ADAM32: variants seen among roughly 807,000 people sequenced by gnomAD.
ADAM32 encodes disintegrin and metalloproteinase domain-containing protein 32.
A neutral mutation model predicts 114.9 loss-of-function variants in ADAM32; 89 were observed. The observed-to-expected ratio is 0.77, with a 90% CI of 0.65 to 0.92. The LOEUF (loss-of-function observed/expected upper bound fraction) is 0.92, where lower values mean the gene tolerates loss of function less well. ADAM32 is among the 40% of genes least tolerant of loss of function. The pLI, the probability that ADAM32 is intolerant of heterozygous loss-of-function variation, is 0.00. For synonymous variants in ADAM32, 285 were observed against 307.5 expected, an observed-to-expected ratio of 0.93 and a Z score of 0.77; for missense variants, 870 against 932.8, an observed-to-expected ratio of 0.93 and a Z score of 0.88.
chr8:39,152,217 A>T (rs1803876858), intron 6 of ADAM32, among the ~76,000 whole-genome samples: 1 of 152,216 alleles, frequency 6.6e-6, no homozygotes, highest in South Asian at 2.1e-4. Context: ...ATATAATTAA[A>T]ATGTCATAAA....
At chr8:39,245,138 AATAATGAC>A (rs1810822331) in intron 16 of ADAM32, among the ~76,000 whole-genome samples, 1 of 152,198 alleles carries the variant, frequency 6.6e-6, no homozygotes, top group Admixed American at 6.5e-5. Flanking sequence ...AAAGGAACAA[AATAATGAC>A]ATTTTACAGC....
At chr8:39,153,012 G>T (rs536715595) in intron 6 of ADAM32, among the ~76,000 whole-genome samples, 6 of 152,306 alleles carry the variant, frequency 3.9e-5, no homozygotes, top group African/African-American at 1.4e-4. Context: ...CATACAGGTA[G>T]CAGAGAAACA....
chr8:39,241,190 G>A (rs1810527137), intron 16 of ADAM32, among the ~76,000 whole-genome samples: 1 of 152,114 alleles, frequency 6.6e-6, no homozygotes, highest in Non-Finnish European at 1.5e-5. Context: ...GATGCAAGAG[G>A]TGGGCTCCCA....
intron 6 of ADAM32, among the ~76,000 whole-genome samples, chr8:39,157,361 A>G (rs1454487484): frequency 6.6e-6 from 1 of 151,980 alleles, no homozygotes; most frequent in East Asian, 1.9e-4. Flanking sequence ...TTCACCCATT[A>G]TTTTTCAAAT....
rs1184570326 is a variant in ADAM32 at position 39,136,760 on chromosome 8, A to G, written c.200+42A>G. Reference sequence around the variant, plus strand: ...TAGTTTTGGATTTTATTTTATTTCTATGAAGCTGTTTACTTGCAATAGAAA... The same window carrying G: ...TAGTTTTGGATTTTATTTTATTTCTGTGAAGCTGTTTACTTGCAATAGAAA... On this transcript the variant is annotated intron_variant, in intron 3 of 24. Transcript: ENST00000379907. The G allele has an allele frequency of 7.6e-6, 10 of 1,308,058 alleles. No homozygotes were observed. In the South Asian group the frequency reaches 1.0e-4, roughly 14 times the overall value. 81.0% of individuals were successfully genotyped at this position (1,308,058 alleles called of 1,614,324 possible).
In ADAM32 at chr8:39,254,587, T is replaced by A. The variant is rs1158181674; in HGVS notation, c.2005+71T>A. 14 of 1,247,134 alleles carry A rather than the reference T, an allele frequency of 1.1e-5. No individual in the cohort carries two copies. In the East Asian group the frequency reaches 3.9e-4, roughly 35 times the overall value. The allele number at this position is 1,247,134 out of a possible 1,614,324, so 77.3% of individuals were successfully genotyped here. A position where few individuals can be genotyped will look rare whatever the true frequency, so the allele number is the denominator to read the frequency against. ...TTGCTTATCTTCACTAAAACAAAGTTCGATTTTTCCACTTACAAGGCAACT... is the reference window on the plus strand; with the variant it reads ...TTGCTTATCTTCACTAAAACAAAGTACGATTTTTCCACTTACAAGGCAACT... On this transcript the variant is annotated intron_variant, in intron 18 of 24. Transcript: ENST00000379907.
intron 7 of ADAM32, 87 bp downstream of exon 7, chr8:39,161,052 C>A (rs766291932): frequency 2.1e-5 from 25 of 1,212,100 alleles, no homozygotes; most frequent in Non-Finnish European, 2.8e-5. Context: ...CTAAAAGATT[C>A]CAATGTTCTT....
rs200326054 is a variant in ADAM32 at position 39,223,189 on chromosome 8, C to T, written c.1476C>T (p.Asp492=). The T allele has an allele frequency of 1.5e-5, 24 of 1,597,158 alleles. No homozygotes were observed. Among genetic ancestry groups the T allele is most frequent in the East Asian group, 1.4e-4 (6 of 43,942 alleles). ...SCKNNKFICY[D]GDCHDLDARC... ...AAAATAATAAGTTTATTTGTTATGACGGAGACTGCCATGATCTCGATGCAC... is the reference window on the plus strand; with the variant it reads ...AAAATAATAAGTTTATTTGTTATGATGGAGACTGCCATGATCTCGATGCAC... The change falls in exon 14 of 25, where the codon GAC becomes GAT. Residue 492 remains aspartate (D), a synonymous_variant. Coordinates refer to ENST00000379907, the MANE Select transcript of ADAM32 (RefSeq NM_145004.7).
intron 7 of ADAM32, among the ~76,000 whole-genome samples, chr8:39,163,363 T>C (rs1243210216): frequency 3.3e-5 from 5 of 152,330 alleles, no homozygotes; most frequent in East Asian, 3.9e-4. Context: ...GAAGATGTCA[T>C]TGAAATATTT....
intron 20 of ADAM32, among the ~76,000 whole-genome samples, chr8:39,272,188 TTGA>T (rs1024786651): frequency 1.1e-4 from 17 of 151,502 alleles, no homozygotes; most frequent in African/African-American, 4.1e-4. Flanking sequence ...ATGCAATTTA[TTGA>T]TGATTAAAAG....
intron 11 of ADAM32, among the ~76,000 whole-genome samples, chr8:39,202,475 C>T (rs1303650827): frequency 6.6e-6 from 1 of 152,054 alleles, no homozygotes; most frequent in Non-Finnish European, 1.5e-5. Context: ...GTGGTGATAT[C>T]CCCTTTATCA....
intron 10 of ADAM32, among the ~76,000 whole-genome samples, chr8:39,176,112 T>C (rs960356079): frequency 1.3e-5 from 2 of 152,136 alleles, no homozygotes; most frequent in Non-Finnish European, 2.9e-5. Context: ...TTATCTATTA[T>C]ATTAATTTTT....
chr8:39,160,528 A>G (rs1804434652), intron 6 of ADAM32, among the ~76,000 whole-genome samples: 1 of 115,582 alleles, frequency 8.7e-6, no homozygotes, highest in Non-Finnish European at 1.7e-5. Context: ...CGACAGAGCG[A>G]GACTCCATCT....
chr8:39,141,486 G>T lies in ADAM32; in HGVS notation c.200+4768G>T, dbSNP rs576050993. Among the ~76,000 whole-genome samples, 49 of 152,294 alleles carry T rather than the reference G, an allele frequency of 3.2e-4. 1 individual carries two copies. The highest frequency in any genetic ancestry group is 1.2e-3 in the Admixed American group (19 of 15,284). On this transcript the variant is annotated intron_variant, in intron 3 of 24. Coordinates refer to ENST00000379907, the MANE Select transcript of ADAM32 (RefSeq NM_145004.7). Reference sequence around the variant, plus strand: ...CAGGAGCAGATTGTTCAGTTTTCATGTAGTTGTGTGGTTTTGAGTGAGTTT... The same window carrying T: ...CAGGAGCAGATTGTTCAGTTTTCATTTAGTTGTGTGGTTTTGAGTGAGTTT...
intron 11 of ADAM32, among the ~76,000 whole-genome samples, chr8:39,193,007 C>T (rs1348690355): frequency 6.6e-6 from 1 of 152,076 alleles, no homozygotes; most frequent in Non-Finnish European, 1.5e-5. Flanking sequence ...GAATAATTTT[C>T]TTGTGAAGCA....
chr8:39,213,076 C>A (rs1216510059), intron 12 of ADAM32, among the ~76,000 whole-genome samples: 1 of 152,048 alleles, frequency 6.6e-6, no homozygotes, highest in Non-Finnish European at 1.5e-5. Flanking sequence ...GGATACAGTG[C>A]AGTTTGGATA....
intron 12 of ADAM32, among the ~76,000 whole-genome samples, chr8:39,220,264 C>G (rs1463290456): frequency 2.0e-5 from 3 of 152,068 alleles, no homozygotes; most frequent in Admixed American, 2.0e-4. Flanking sequence ...TTGACTTCTG[C>G]TCTTTTTTGT....
chr8:39,236,976 T>C (rs898014186), intron 16 of ADAM32, among the ~76,000 whole-genome samples: 9 of 151,998 alleles, frequency 5.9e-5, no homozygotes, highest in African/African-American at 2.2e-4. Flanking sequence ...CACAGACCCT[T>C]CAAAAGAAGC....
chr8:39,204,701 A>G (rs1295761721), intron 11 of ADAM32, among the ~76,000 whole-genome samples: 1 of 152,072 alleles, frequency 6.6e-6, no homozygotes, highest in Middle Eastern at 3.2e-3. Flanking sequence ...GGGTAGAGGC[A>G]CTCTGATTTT....
Sources: gnomAD v4.1 joint callset for allele counts (sites outside exome capture counted in the v4.1 genomes callset) on GRCh38, gnomAD v4.1.1 for gene constraint, MANE v1.5 for transcripts, NCBI Gene and HGNC (gene_info 2026-07-23, HGNC 2026-07-21) for gene names.